The following COBL variants were observed in gnomAD, a reference collection of about 807,000 sequenced individuals.
COBL encodes the protein cordon-bleu WH2 repeat protein, also known as protein cordon-bleu.
A neutral mutation model predicts 98.8 loss-of-function variants in COBL; 51 were observed. The ratio of observed to expected loss-of-function variants is 0.52; its 90% confidence interval spans 0.41 to 0.65. The LOEUF (loss-of-function observed/expected upper bound fraction) is 0.65. Among genes scored for constraint, COBL ranks in the 30% least tolerant of loss-of-function variants. The pLI is 0.00. For synonymous variants in COBL, 634 were observed against 651.7 expected, an observed-to-expected ratio of 0.97 and a Z score of 0.41; for missense variants, 1,617 against 1,617.5, an observed-to-expected ratio of 1.00 and a Z score of 0.01.
At chr7:51,293,230 A>G (rs1000193410) in intron 1 of COBL, among the ~76,000 whole-genome samples, 8 of 152,248 alleles carry the variant, frequency 5.3e-5, no homozygotes, top group African/African-American at 1.9e-4. Flanking sequence ...AACATCTACA[A>G]TGTGACTCAG....
At chr7:51,128,457 T>G (rs1317126269) in intron 6 of COBL, among the ~76,000 whole-genome samples, 3 of 148,550 alleles carry the variant, frequency 2.0e-5, no homozygotes, top group Admixed American at 6.8e-5. Context: ...GACAGCCAGA[T>G]AGCTAAGAGA....
chr7:51,300,742 C>T (rs1055767201), intron 1 of COBL, among the ~76,000 whole-genome samples: 1 of 152,258 alleles, frequency 6.6e-6, no homozygotes, highest in Non-Finnish European at 1.5e-5. Flanking sequence ...GGACCTAGGA[C>T]GGAGCCTGCC....
chr7:51,153,781 C>G (rs1785808945), intron 5 of COBL, among the ~76,000 whole-genome samples: 1 of 152,222 alleles, frequency 6.6e-6, no homozygotes, highest in African/African-American at 2.4e-5. Flanking sequence ...AGCTGAGTAG[C>G]ACCTCTATTC....
At chr7:51,286,916 T>C (rs1345741924) in intron 1 of COBL, among the ~76,000 whole-genome samples, 1 of 152,136 alleles carries the variant, frequency 6.6e-6, no homozygotes, top group Non-Finnish European at 1.5e-5. Context: ...CACCATCGAA[T>C]ACTACACAGC....
chr7:51,172,172 T>A (rs1472433303), intron 5 of COBL, among the ~76,000 whole-genome samples: 2 of 152,236 alleles, frequency 1.3e-5, no homozygotes, highest in Non-Finnish European at 2.9e-5. Context: ...AGGCTACTCC[T>A]TATGATGGTA....
chr7:51,271,891 T>C (rs1798795543), intron 1 of COBL, among the ~76,000 whole-genome samples: 1 of 152,142 alleles, frequency 6.6e-6, no homozygotes, highest in Non-Finnish European at 1.5e-5. Flanking sequence ...ATTATGGGCA[T>C]GGTGGCGTGT....
chr7:51,290,544 A>C (rs991561344), intron 1 of COBL, among the ~76,000 whole-genome samples: 1 of 152,156 alleles, frequency 6.6e-6, no homozygotes, highest in African/African-American at 2.4e-5. Flanking sequence ...CAGATATCAG[A>C]ACAAAGGGTG....
intron 5 of COBL, chr7:51,156,198 A>C: frequency 1.0e-6 from 1 of 982,596 alleles, no homozygotes; most frequent in South Asian, 4.7e-5. Context: ...CTCTGCACAC[A>C]CACACACACA....
intron 5 of COBL, among the ~76,000 whole-genome samples, chr7:51,147,118 T>C (rs10238692): frequency 0.01 from 1,593 of 152,274 alleles, 18 homozygotes; most frequent in South Asian, 0.037. Flanking sequence ...TCCGCAGCCC[T>C]GGGGCAGCTG....
In COBL at chr7:51,043,583, G is replaced by A. The variant is rs1235295876; in HGVS notation, c.1206C>T (p.Asp402=). ...VSVGSCFASE[D]TTEDSGVMSS... is the part of the protein sequence containing the mutation. The stretch of plus-strand genomic sequence containing the variant: ...TCATCACTCCTGAGTCCTCGGTCGT[G>A]TCCTCCGACGCAAAACAGCTGCCAA... The change falls in exon 8 of 13, where the codon GAC becomes GAT. Residue 402 remains aspartate (D), a synonymous_variant. Coordinates refer to ENST00000265136, the MANE Select transcript of COBL (RefSeq NM_015198.5). 2 of 1,614,178 alleles carry A rather than the reference G, an allele frequency of 1.2e-6. No homozygotes were observed. The highest frequency in any genetic ancestry group is 1.1e-5 in the South Asian group (1 of 91,082).
chr7:51,276,035 T>C (rs1799279700), intron 1 of COBL, among the ~76,000 whole-genome samples: 1 of 152,168 alleles, frequency 6.6e-6, no homozygotes, highest in Admixed American at 6.5e-5. Flanking sequence ...TGATAAACAT[T>C]GGGGGAAGAA....
chr7:51,195,571 T>C (rs957422105), intron 2 of COBL, among the ~76,000 whole-genome samples: 6 of 152,252 alleles, frequency 3.9e-5, no homozygotes, highest in East Asian at 3.8e-4. Flanking sequence ...GATAGTTTAA[T>C]AGGCATAGCA....
chr7:51,031,412 C>A (rs1788131479), intron 8 of COBL: 1 of 155,838 alleles, frequency 6.4e-6, no homozygotes, highest in Admixed American at 6.4e-5. Flanking sequence ...GGAGGCTGGT[C>A]CACCTCACCT....
rs141474418 is a variant in COBL, at chr7:51,028,472, C to T, written c.2624G>A (p.Arg875His). The change falls in exon 10 of 13, where the codon CGC becomes CAC. Residue 875 changes from arginine to histidine, a missense_variant. Coordinates refer to ENST00000265136, the MANE Select transcript of COBL (RefSeq NM_015198.5). ...AGCATGGACTTTTGGGGCTCCTATG[C>T]GCTTGGCAATGGCAGAGGCCACATA... ...SQYVASAIAK[R>H]IGAPKVHADV... 83 of 1,614,164 alleles carry T rather than the reference C, an allele frequency of 5.1e-5. 1 individual carries two copies. The highest frequency in any genetic ancestry group is 2.7e-4 in the South Asian group (25 of 91,094).
At position 51,074,265 on chromosome 7, in the gene COBL, G is replaced by A. The variant is rs550720528; in HGVS notation, c.1096+10901C>T. On this transcript the variant is annotated intron_variant, in intron 7 of 12. Transcript: ENST00000265136. Reference sequence around the variant, plus strand: ...GGCTAGAGTGCTGTGGCGCGATCTCGGCTCACTGCAACCTCCAACTCCCTG... The same window carrying A: ...GGCTAGAGTGCTGTGGCGCGATCTCAGCTCACTGCAACCTCCAACTCCCTG... Among the ~76,000 whole-genome samples, 14 of 136,834 alleles carry A rather than the reference G, an allele frequency of 1.0e-4. No individual in the cohort carries two copies. The South Asian group carries it at 2.7e-3, about 27-fold the overall frequency. 89.8% of individuals were successfully genotyped at this position (136,834 alleles called of 152,430 possible).
chr7:51,262,738 T>C (rs369753747), intron 1 of COBL, among the ~76,000 whole-genome samples: 2 of 152,194 alleles, frequency 1.3e-5, no homozygotes, highest in East Asian at 1.9e-4. Flanking sequence ...CAGGGGCCGG[T>C]TGGTCCCAGG....
chr7:51,204,404 C>T (rs1462312114), intron 2 of COBL, among the ~76,000 whole-genome samples: 2 of 152,068 alleles, frequency 1.3e-5, no homozygotes, highest in Non-Finnish European at 2.9e-5. Flanking sequence ...AAGGCACATA[C>T]ATCAAAAAAT....
chr7:51,295,739 T>C (rs1801366500), intron 1 of COBL, among the ~76,000 whole-genome samples: 1 of 152,200 alleles, frequency 6.6e-6, no homozygotes, highest in East Asian at 1.9e-4. Flanking sequence ...GCCCAAGAAC[T>C]TGTGGCCAAC....
At chr7:51,209,381 G>A (rs934135724) in intron 2 of COBL, among the ~76,000 whole-genome samples, 1 of 152,196 alleles carries the variant, frequency 6.6e-6, no homozygotes, top group South Asian at 2.1e-4. Context: ...CTGGGAAGTG[G>A]GTGCTGGTGG....
Sources: gnomAD v4.1 joint callset for allele counts (sites outside exome capture counted in the v4.1 genomes callset) on GRCh38, gnomAD v4.1.1 for gene constraint, MANE v1.5 for transcripts, NCBI Gene and HGNC (gene_info 2026-07-23, HGNC 2026-07-21) for gene names.